The following GALNT13 variants were observed in gnomAD, a reference collection of about 807,000 sequenced individuals.
The protein encoded by GALNT13 is UDP-GalNAc:polypeptide N-acetylgalactosaminyltransferase 13.
In GALNT13, 28 loss-of-function variants were observed where a neutral mutation model predicts 64.2. The ratio of observed to expected loss-of-function variants is 0.44; its 90% CI spans 0.32 to 0.60. GALNT13 has a LOEUF of 0.60. Among genes scored for constraint, GALNT13 ranks in the 20% least tolerant of loss-of-function variants. The pLI is 0.05. For missense variants in GALNT13, 577 were observed against 669.8 expected, an observed-to-expected ratio of 0.86 and a Z score of 1.53; for synonymous variants, 214 against 224.6, an observed-to-expected ratio of 0.95 and a Z score of 0.42.
the GALNT13 span, among the ~76,000 whole-genome samples, chr2:153,770,237 C>A: frequency 8.1e-6 from 1 of 122,746 alleles, no homozygotes; most frequent in Non-Finnish European, 1.6e-5. Flanking sequence ...AGTTAGATTT[C>A]ATTTGGATGA....
chr2:153,523,637 G>A, the GALNT13 span, among the ~76,000 whole-genome samples: 20 of 152,132 alleles, frequency 1.3e-4, no homozygotes, highest in African/African-American at 2.4e-4. Context: ...AGAGGGGAAC[G>A]TGATTGACTT....
chr2:153,737,405 A>G, the GALNT13 span, among the ~76,000 whole-genome samples: 1 of 148,442 alleles, frequency 6.7e-6, no homozygotes, highest in African/African-American at 2.5e-5. Context: ...AATGTTTTTT[A>G]TTTTGGTGGC....
chr2:153,494,155 A>C, the GALNT13 span, among the ~76,000 whole-genome samples: 2 of 152,056 alleles, frequency 1.3e-5, no homozygotes, highest in Non-Finnish European at 2.9e-5. Flanking sequence ...TGTAACTAAA[A>C]AGATGTACCA....
chr2:154,201,820 G>C (rs1687187082), intron 4 of GALNT13, among the ~76,000 whole-genome samples: 1 of 152,094 alleles, frequency 6.6e-6, no homozygotes, highest in South Asian at 2.1e-4. Flanking sequence ...CCAAAAGATA[G>C]ATATGTGTCT....
intron 3 of GALNT13, among the ~76,000 whole-genome samples, chr2:154,031,891 G>A (rs996588005): frequency 2.6e-5 from 4 of 151,714 alleles, no homozygotes; most frequent in Non-Finnish European, 5.9e-5. Context: ...GAAGACCTGA[G>A]CAACACAATA....
intron 11 of GALNT13, among the ~76,000 whole-genome samples, chr2:154,410,750 A>C (rs1207706543): frequency 6.6e-6 from 1 of 151,932 alleles, no homozygotes; most frequent in Admixed American, 6.6e-5. Context: ...TGGCAAAAAA[A>C]ATCAGCTAAT....
intron 2 of GALNT13, among the ~76,000 whole-genome samples, chr2:153,923,124 T>G (rs2105340404): frequency 6.6e-6 from 1 of 152,210 alleles, no homozygotes; most frequent in East Asian, 1.9e-4. Flanking sequence ...GGTCTCAAAC[T>G]CCTGACCTCA....
At chr2:153,415,369 A>G in the GALNT13 span, among the ~76,000 whole-genome samples, 1 of 152,182 alleles carries the variant, frequency 6.6e-6, no homozygotes, top group African/African-American at 2.4e-5. Flanking sequence ...TAGGAGAGCC[A>G]GGAGTAAATG....
At chr2:153,356,494 A>T in the GALNT13 span, 1 of 152,164 alleles carries the variant, frequency 6.6e-6, no homozygotes. Context: ...TTCATACAAA[A>T]TTGTTCATCA....
At chr2:153,992,426 T>C (rs1553463878) in intron 3 of GALNT13, among the ~76,000 whole-genome samples, 2 of 152,186 alleles carry the variant, frequency 1.3e-5, no homozygotes, top group Non-Finnish European at 2.9e-5. Flanking sequence ...TTATAATGCA[T>C]GTTGGCACTT....
chr2:153,377,257 C>T, the GALNT13 span, among the ~76,000 whole-genome samples: 1 of 152,072 alleles, frequency 6.6e-6, no homozygotes, highest in Non-Finnish European at 1.5e-5. Flanking sequence ...CTTGGACTTC[C>T]CCTTTAGAAC....
the GALNT13 span, among the ~76,000 whole-genome samples, chr2:153,438,845 T>G: frequency 2.0e-5 from 3 of 152,190 alleles, no homozygotes; most frequent in Non-Finnish European, 4.4e-5. Context: ...CCATCCAGCT[T>G]TGTTCTGTTG....
At chr2:154,276,168 G>A (rs182392049) in intron 8 of GALNT13, among the ~76,000 whole-genome samples, 1 of 151,902 alleles carries the variant, frequency 6.6e-6, no homozygotes, top group East Asian at 1.9e-4. Context: ...ACTGTGGATT[G>A]TGGATGCTTT....
chr2:153,925,411 T>C (rs776465157), intron 2 of GALNT13, among the ~76,000 whole-genome samples: 1 of 152,102 alleles, frequency 6.6e-6, no homozygotes, highest in African/African-American at 2.4e-5. Flanking sequence ...CATTGGTCTA[T>C]GTGTCTGTTC....
intron 8 of GALNT13, among the ~76,000 whole-genome samples, chr2:154,265,472 G>A (rs941814079): frequency 3.3e-5 from 5 of 152,144 alleles, no homozygotes; most frequent in Admixed American, 6.5e-5. Context: ...GCCGAGGAGG[G>A]CAGATCACCT....
chr2:153,543,844 T>A, the GALNT13 span, among the ~76,000 whole-genome samples: 1 of 152,244 alleles, frequency 6.6e-6, no homozygotes, highest in African/African-American at 2.4e-5. Context: ...AATGAGAACT[T>A]TTAAATACCT....
chr2:153,162,281 T>G, the GALNT13 span, among the ~76,000 whole-genome samples: 1 of 152,222 alleles, frequency 6.6e-6, no homozygotes, highest in Non-Finnish European at 1.5e-5. Context: ...ATTTTAGCAG[T>G]TAATTTTCAC....
chr2:153,975,139 A>G (rs1693993646), intron 3 of GALNT13, among the ~76,000 whole-genome samples: 1 of 152,086 alleles, frequency 6.6e-6, no homozygotes, highest in Admixed American at 6.6e-5. Context: ...AAGGAAATGT[A>G]TTTTGACATT....
chr2:153,337,923 T>C, the GALNT13 span: 1 of 152,224 alleles, frequency 6.6e-6, no homozygotes, highest in Admixed American at 6.5e-5. Flanking sequence ...TCATGCATAA[T>C]ATTAATAATG....
Sources: gnomAD v4.1 joint callset for allele counts (sites outside exome capture counted in the v4.1 genomes callset) on GRCh38, gnomAD v4.1.1 for gene constraint, MANE v1.5 for transcripts, NCBI Gene and HGNC (gene_info 2026-07-23, HGNC 2026-07-21) for gene names.